Variants in FAM120C observed in about 807,000 individuals in gnomAD.
FAM120C encodes constitutive coactivator of PPAR-gamma-like protein 2.
FAM120C carries 14 observed loss-of-function variants against 71.2 expected under a neutral mutation model. The observed-to-expected ratio is 0.20, with a 90% CI of 0.13 to 0.31. The LOEUF (loss-of-function observed/expected upper bound fraction) is 0.31. Among genes scored for constraint, FAM120C ranks in the 10% least tolerant of loss-of-function variants. FAM120C has a pLI of 1.00. For missense variants in FAM120C, 500 were observed against 879.0 expected (o/e 0.57, Z 5.45); for synonymous variants, 354 against 353.2 (o/e 1.00, Z -0.03).
intron 13 of FAM120C, among the ~76,000 whole-genome samples, chrX:54,084,624 T>A (rs1308847972): frequency 9.2e-6 from 1 of 108,942 alleles, no homozygotes; most frequent in Non-Finnish European, 1.9e-5. Context: ...AGGATGGGAG[T>A]TCAAGACCAG....
chrX:54,165,448 A>G (rs978223940), intron 1 of FAM120C, among the ~76,000 whole-genome samples: 1 of 111,720 alleles, frequency 9.0e-6, no homozygotes, highest in Admixed American at 9.6e-5. Context: ...GGAGAAAAAC[A>G]TGGATCCATA....
intron 15 of FAM120C, among the ~76,000 whole-genome samples, chrX:54,076,330 A>T (rs373383788): frequency 0.016 from 1,651 of 103,754 alleles, 10 homozygotes; most frequent in African/African-American, 0.021. Context: ...CTGTTTTTTT[A>T]AAAAAAAAAA....
rs2067086347 is a variant in FAM120C at position 54,134,896 on chromosome X, A to G, written c.1551T>C (p.Pro517=). 8.3e-7 allele frequency: 1 copy of G among 1,209,626 alleles called. No individual in the cohort carries two copies. Among genetic ancestry groups the G allele is most frequent in the Non-Finnish European group, 1.1e-6 (1 of 895,166 alleles). The part of the protein sequence containing the change: ...PNYLPSKASP[P]LGPDSSHSSS... ...AGGAGTGGGAAGAGTCTGGTCCCAAAGGAGGTGAGGCTTTAGAAGGCAGGT... is the reference window on the plus strand; with the variant it reads ...AGGAGTGGGAAGAGTCTGGTCCCAAGGGAGGTGAGGCTTTAGAAGGCAGGT... The change falls in exon 7 of 16, where the codon CCT becomes CCC. Residue 517 remains proline, a synonymous_variant. Coordinates refer to ENST00000375180, the MANE Select transcript of FAM120C (RefSeq NM_017848.6).
At chrX:54,094,223 G>A (rs782241280) in intron 10 of FAM120C, among the ~76,000 whole-genome samples, 4 of 106,886 alleles carry the variant, frequency 3.7e-5, no homozygotes, top group East Asian at 6.1e-4. Flanking sequence ...TCAGCCTCTC[G>A]AGTAGCTGGG....
At chrX:54,087,230 G>A (rs1336732560) in intron 12 of FAM120C, among the ~76,000 whole-genome samples, 2 of 108,005 alleles carry the variant, frequency 1.9e-5, no homozygotes, top group Non-Finnish European at 3.8e-5. Context: ...GGAGAATCGC[G>A]TGAACCTGGG....
intron 12 of FAM120C, among the ~76,000 whole-genome samples, chrX:54,086,444 C>T (rs1356264447): frequency 2.7e-5 from 3 of 111,676 alleles, no homozygotes; most frequent in Admixed American, 9.6e-5. Flanking sequence ...TTATTCCACT[C>T]GGCTACTGTA....
chrX:54,170,707 T>C (rs1263812740), intron 1 of FAM120C, among the ~76,000 whole-genome samples: 1 of 111,802 alleles, frequency 8.9e-6, no homozygotes, highest in Non-Finnish European at 1.9e-5. Flanking sequence ...ACTTAATTCA[T>C]ACCCAATTCT....
At chrX:54,148,454 C>T (rs180818476) in intron 4 of FAM120C, among the ~76,000 whole-genome samples, 2 of 111,286 alleles carry the variant, frequency 1.8e-5, no homozygotes, top group East Asian at 5.6e-4. Context: ...TGAGACCAGC[C>T]TAGGCAACAC....
chrX:54,100,215 G>C (rs1400188155), intron 10 of FAM120C, among the ~76,000 whole-genome samples: 1 of 109,309 alleles, frequency 9.1e-6, no homozygotes, highest in African/African-American at 3.4e-5. Flanking sequence ...CCATGGGTTG[G>C]GCGCGGTGGC....
chrX:54,141,237 TC>T (rs782653669), intron 4 of FAM120C, among the ~76,000 whole-genome samples: 147 of 111,019 alleles, frequency 1.3e-3, no homozygotes, highest in African/African-American at 4.5e-3. Flanking sequence ...TAGGTCAATA[TC>T]CCTCATGAAA....
chrX:54,127,714 C>T (rs782731601), intron 9 of FAM120C, among the ~76,000 whole-genome samples: 26 of 109,079 alleles, frequency 2.4e-4, no homozygotes, highest in South Asian at 4.2e-4. Context: ...CCTCAGCCTG[C>T]GGAGTAGCTG....
chrX:54,177,582 ATGAGTTCCATTT>A (rs1469148454), intron 1 of FAM120C, among the ~76,000 whole-genome samples: 1 of 111,598 alleles, frequency 9.0e-6, no homozygotes, highest in African/African-American at 3.3e-5. Context: ...GGGAAACATA[ATGAGTTCCATTT>A]TGGGTATTTT....
At chrX:54,075,577 T>C (rs2146550662) in intron 15 of FAM120C, among the ~76,000 whole-genome samples, 1 of 110,374 alleles carries the variant, frequency 9.1e-6, no homozygotes, top group Non-Finnish European at 1.9e-5. Context: ...GGCAGGCAGA[T>C]CACAAGGTCA....
At chrX:54,117,581 C>T (rs1557126840) in intron 9 of FAM120C, among the ~76,000 whole-genome samples, 1 of 105,892 alleles carries the variant, frequency 9.4e-6, no homozygotes, top group East Asian at 3.0e-4. Context: ...GCCTGTAATC[C>T]CAGCTACTCT....
intron 13 of FAM120C, among the ~76,000 whole-genome samples, chrX:54,081,681 C>T (rs782616325): frequency 3.8e-5 from 4 of 104,949 alleles, no homozygotes; most frequent in Non-Finnish European, 7.8e-5. Flanking sequence ...GGCGGAGGCA[C>T]GAGAATCACT....
intron 11 of FAM120C, among the ~76,000 whole-genome samples, chrX:54,088,539 C>A (rs2066806344): frequency 1.1e-5 from 1 of 93,516 alleles, no homozygotes; most frequent in Non-Finnish European, 2.1e-5. Flanking sequence ...TTGCAGTGAG[C>A]CGAGATTGTA....
rs782746416 is a variant in FAM120C, at chrX:54,083,001, C to T, written c.2840-1541G>A. ...AGGCGTGGTGGCACATGCTTGTAGT[C>T]CCAGCTACTCAGGAGGCCGAGTCAG... is the stretch of plus-strand genomic sequence containing the variant. On this transcript the variant is annotated intron_variant, in intron 13 of 15. Coordinates refer to ENST00000375180, the MANE Select transcript of FAM120C (RefSeq NM_017848.6). 3.7e-5 allele frequency among the ~76,000 whole-genome samples: 4 copies of T among 109,125 alleles called. No homozygotes were observed. The East Asian group carries it at 1.2e-3, about 32-fold the overall frequency. 94.8% of individuals were successfully genotyped at this position (109,125 alleles called of 115,157 possible). A position where few individuals can be genotyped will look rare whatever the true frequency, so the allele number is the denominator to read the frequency against.
intron 9 of FAM120C, among the ~76,000 whole-genome samples, chrX:54,126,537 C>T (rs1350700608): frequency 8.9e-6 from 1 of 112,098 alleles, no homozygotes; most frequent in African/African-American, 3.2e-5. Flanking sequence ...AACCAATCCC[C>T]CACATATGGC....
intron 15 of FAM120C, among the ~76,000 whole-genome samples, chrX:54,077,413 C>T (rs1402731837): frequency 9.0e-6 from 1 of 111,460 alleles, no homozygotes; most frequent in Non-Finnish European, 1.9e-5. Flanking sequence ...GGGAACAGGC[C>T]AGGTGTGGTG....
Sources: allele counts gnomAD v4.1 joint callset (sites outside exome capture counted in the v4.1 genomes callset), GRCh38; gene constraint gnomAD v4.1.1; transcripts MANE v1.5; gene names NCBI Gene and HGNC (gene_info 2026-07-23, HGNC 2026-07-21).